The following UBE2E2 variants were observed in gnomAD, a reference collection of about 807,000 sequenced individuals.
The protein encoded by UBE2E2 is ubiquitin-conjugating enzyme E2 E2.
In UBE2E2, 6 loss-of-function variants were observed where a neutral mutation model predicts 24.7. The observed-to-expected ratio is 0.24, with a 90% CI of 0.13 to 0.48. The LOEUF (loss-of-function observed/expected upper bound fraction) is 0.48. Among genes scored for constraint, UBE2E2 ranks in the 20% least tolerant of loss-of-function variants. UBE2E2 has a pLI of 0.99. For missense variants in UBE2E2, 169 were observed against 245.0 expected (o/e 0.69, Z 2.07); for synonymous variants, 104 against 83.6 (o/e 1.24, Z -1.33).
chr3:23,227,024 C>T (rs144041258), intron 3 of UBE2E2, among the ~76,000 whole-genome samples: 1 of 150,784 alleles, frequency 6.6e-6, no homozygotes, highest in East Asian at 1.9e-4. Flanking sequence ...TGAACTGGCC[C>T]ACCTTGTTGA....
At chr3:23,514,264 G>C (rs766463959) in intron 4 of UBE2E2, among the ~76,000 whole-genome samples, 1 of 152,210 alleles carries the variant, frequency 6.6e-6, no homozygotes, top group African/African-American at 2.4e-5. Context: ...TGCCACACTA[G>C]TTGTTGCTGT....
intron 3 of UBE2E2, among the ~76,000 whole-genome samples, chr3:23,347,502 A>G (rs1200639181): frequency 3.3e-5 from 5 of 152,094 alleles, no homozygotes; most frequent in African/African-American, 9.6e-5. Flanking sequence ...GAGTTGAACA[A>G]TGAGAACACA....
intron 3 of UBE2E2, among the ~76,000 whole-genome samples, chr3:23,372,543 A>G (rs1381545452): frequency 1.3e-5 from 2 of 152,072 alleles, no homozygotes; most frequent in Non-Finnish European, 2.9e-5. Context: ...TTTCTCATTT[A>G]ACTTCCTTAC....
At chr3:23,346,896 A>C (rs1695572392) in intron 3 of UBE2E2, among the ~76,000 whole-genome samples, 1 of 152,234 alleles carries the variant, frequency 6.6e-6, no homozygotes, top group African/African-American at 2.4e-5. Flanking sequence ...CCCTGTTTTG[A>C]GTAATGTATT....
chr3:23,589,980 C>G lies in UBE2E2; in HGVS notation c.*149C>G, dbSNP rs945689229. Reference sequence around the variant, plus strand: ...TTGTGATGGTATGTTGTCCATCTTCCCATCCCAGTTCTTCCTGCCCCCCTT... The same window carrying G: ...TTGTGATGGTATGTTGTCCATCTTCGCATCCCAGTTCTTCCTGCCCCCCTT... On this transcript the variant is annotated 3_prime_UTR_variant, in exon 6 of 6. Transcript: ENST00000396703. The surrounding 1 kb of genome is among the most constrained non-coding windows in gnomAD (Gnocchi z 4.1). The G allele has an allele frequency of 1.6e-6, 1 of 637,846 alleles. No individual in the cohort carries two copies. The highest frequency in any genetic ancestry group is 1.8e-5 in the African/African-American group (1 of 54,708). The allele number at this position is 637,846 out of a possible 1,614,324, so 39.5% of individuals were successfully genotyped here. A position where few individuals can be genotyped will look rare whatever the true frequency, so the allele number is the denominator to read the frequency against.
At chr3:23,487,250 G>A (rs548467963) in intron 3 of UBE2E2, among the ~76,000 whole-genome samples, 2 of 152,336 alleles carry the variant, frequency 1.3e-5, no homozygotes, top group South Asian at 2.1e-4. Context: ...TGCTGGGATT[G>A]GGAAGAGGCC....
intron 3 of UBE2E2, among the ~76,000 whole-genome samples, chr3:23,237,120 C>A (rs778648044): frequency 2.0e-5 from 3 of 152,074 alleles, no homozygotes; most frequent in African/African-American, 4.8e-5. Flanking sequence ...TCTGTAAAAC[C>A]ACATGGGGTT....
At chr3:23,353,469 T>C (rs576569644) in intron 3 of UBE2E2, among the ~76,000 whole-genome samples, 1 of 152,318 alleles carries the variant, frequency 6.6e-6, no homozygotes, top group Admixed American at 6.5e-5. Context: ...GATGACATGA[T>C]AGTATATCTA....
chr3:23,424,991 CTTAAA>C, intron 3 of UBE2E2, among the ~76,000 whole-genome samples: 1 of 152,186 alleles, frequency 6.6e-6, no homozygotes, highest in Non-Finnish European at 1.5e-5. Flanking sequence ...GTTTGGAAAA[CTTAAA>C]TTATATACAA....
intron 3 of UBE2E2, among the ~76,000 whole-genome samples, chr3:23,353,340 C>G (rs942093691): frequency 1.3e-5 from 2 of 151,940 alleles, no homozygotes; most frequent in South Asian, 2.1e-4. Context: ...CAGGGATGCC[C>G]TCTCTCACCA....
chr3:23,369,682 C>T (rs187639095), intron 3 of UBE2E2, among the ~76,000 whole-genome samples: 28 of 152,262 alleles, frequency 1.8e-4, no homozygotes, highest in African/African-American at 6.3e-4. Context: ...TGATTTTCTG[C>T]TTTGAACACA....
At chr3:23,463,512 C>A (rs1402217511) in intron 3 of UBE2E2, among the ~76,000 whole-genome samples, 1 of 151,910 alleles carries the variant, frequency 6.6e-6, no homozygotes, top group Admixed American at 6.6e-5. Flanking sequence ...ACCCCAGGTC[C>A]CACAGAACAT....
intron 3 of UBE2E2, among the ~76,000 whole-genome samples, chr3:23,357,321 G>A (rs1695984170): frequency 6.6e-6 from 1 of 152,076 alleles, no homozygotes; most frequent in African/African-American, 2.4e-5. Context: ...TCTACCCATT[G>A]TCTAATAACC....
chr3:23,497,422 G>C lies in UBE2E2; in HGVS notation c.228-2186G>C, dbSNP rs181563289. On this transcript the variant is annotated intron_variant, in intron 3 of 5. Transcript: ENST00000396703. ...CGTGGCATTTTAGGCATTTTAAGCA[G>C]CTATTGGCAATAGCTGAGTTCATTG... is the stretch of plus-strand genomic sequence containing the variant. Among the ~76,000 whole-genome samples the C allele has an allele frequency of 3.1e-3, 472 of 152,328 alleles. 1 individual carries two copies. The highest frequency in any genetic ancestry group is 4.7e-3 in the Non-Finnish European group (318 of 68,026).
At chr3:23,344,173 G>C (rs1695480493) in intron 3 of UBE2E2, among the ~76,000 whole-genome samples, 1 of 151,938 alleles carries the variant, frequency 6.6e-6, no homozygotes, top group Admixed American at 6.6e-5. Context: ...TCATGTTATT[G>C]ATTATGTTCA....
At chr3:23,338,644 A>G (rs1272899953) in intron 3 of UBE2E2, among the ~76,000 whole-genome samples, 2 of 152,136 alleles carry the variant, frequency 1.3e-5, no homozygotes, top group Non-Finnish European at 2.9e-5. Context: ...AAGTGGCAAA[A>G]TGTTCAAAAA....
chr3:23,444,146 C>T (rs1044259547), intron 3 of UBE2E2, among the ~76,000 whole-genome samples: 2 of 150,408 alleles, frequency 1.3e-5, no homozygotes, highest in Non-Finnish European at 2.9e-5. Context: ...TGTCTGAGCC[C>T]TTAGTTGCCT....
intron 3 of UBE2E2, among the ~76,000 whole-genome samples, chr3:23,276,311 T>C (rs1334410004): frequency 6.6e-6 from 1 of 152,182 alleles, no homozygotes; most frequent in African/African-American, 2.4e-5. Flanking sequence ...ATTTTAAATT[T>C]TAGTTTTAAG....
intron 3 of UBE2E2, among the ~76,000 whole-genome samples, chr3:23,361,719 T>C (rs970950516): frequency 6.6e-6 from 1 of 152,182 alleles, no homozygotes; most frequent in Non-Finnish European, 1.5e-5. Flanking sequence ...CAGTGTACAT[T>C]ACTCAGATGG....
Sources: gnomAD v4.1 joint callset for allele counts (sites outside exome capture counted in the v4.1 genomes callset) on GRCh38, gnomAD v4.1.1 for gene constraint, Gnocchi (gnomAD v3.1) non-coding constraint, MANE v1.5 for transcripts, NCBI Gene and HGNC (gene_info 2026-07-23, HGNC 2026-07-21) for gene names.